Variants in FAM83H observed in about 807,000 individuals in gnomAD.
The protein encoded by FAM83H is scaffolding CK1 anchoring protein H.
FAM83H carries 24 observed loss-of-function variants against 30.2 expected under a neutral mutation model. That is an observed-to-expected ratio of 0.79 (90% CI 0.57 to 1.12). The LOEUF (loss-of-function observed/expected upper bound fraction) is 1.12. Ranked by LOEUF, FAM83H falls within the 50% of genes most tolerant of loss-of-function variation. FAM83H has a pLI of 0.00. For missense variants in FAM83H, 2,038 were observed against 1,773.9 expected (o/e 1.15, Z -2.67); for synonymous variants, 1,013 against 821.7 (o/e 1.23, Z -3.98).
In FAM83H at chr8:143,726,170, G is replaced by A. The variant is rs782788417; in HGVS notation, c.3291C>T (p.Asp1097=). 1.2e-6 allele frequency: 2 copies of A among 1,612,170 alleles called. No homozygotes were observed. Among genetic ancestry groups the A allele is most frequent in the South Asian group, 1.1e-5 (1 of 91,016 alleles). The change falls in exon 5 of 5, where the codon GAC becomes GAT. Residue 1097 remains aspartate (D), a synonymous_variant. Coordinates refer to ENST00000388913, the MANE Select transcript of FAM83H (RefSeq NM_198488.5). ...TCAGCCGGCCCTGGGTCCCCAAGCTGTCCGAGCGGAAGATGGCTGAACACT... is the reference window on the plus strand; with the variant it reads ...TCAGCCGGCCCTGGGTCCCCAAGCTATCCGAGCGGAAGATGGCTGAACACT... ...KDKCSAIFRS[D]SLGTQGRLSR...
chr8:143,726,679 G>C lies in FAM83H; in HGVS notation c.2782C>G (p.Pro928Ala). 6.3e-7 allele frequency: 1 copy of C among 1,597,336 alleles called. No individual in the cohort carries two copies. The highest frequency in any genetic ancestry group is 8.5e-7 in the Non-Finnish European group (1 of 1,176,188). The change falls in exon 5 of 5, where the codon CCC becomes GCC. Residue 928 changes from proline (P) to alanine (A), a missense_variant. Pro to Ala is a conservative substitution (Grantham distance 27). Transcript: ENST00000388913. ...CTGCCCCTGCGCTCCGGCACGGGGG[G>C]CACCGGACTGCTCCTGCGCTCCGGC... ...PVPERRSSPV[P>A]PVPERRGSLT...
chr8:143,732,205 A>G (rs1335615518), intron 1 of FAM83H: 1 of 985,258 alleles, frequency 1.0e-6, no homozygotes, highest in African/African-American at 1.7e-5. Flanking sequence ...GACATGGGAA[A>G]TACCTGGTGC....
At position 143,726,481 on chromosome 8, in the gene FAM83H, C is replaced by G. The variant is rs782748080; in HGVS notation, c.2980G>C (p.Gly994Arg). 195 of 1,604,284 alleles carry G rather than the reference C, an allele frequency of 1.2e-4. No homozygotes were observed. Among genetic ancestry groups the G allele is most frequent in the Non-Finnish European group, 1.6e-4 (189 of 1,178,892 alleles). ...EGGFPVPQEN[G>R]QPESPRRLSL... Reference sequence around the variant, plus strand: ...AGACGCCGCGGGCTCTCGGGTTGGCCGTTCTCCTGCGGCACTGGGAAGCCA... The same window carrying G: ...AGACGCCGCGGGCTCTCGGGTTGGCGGTTCTCCTGCGGCACTGGGAAGCCA... The change falls in exon 5 of 5, where the codon GGC becomes CGC. Residue 994 changes from glycine to arginine, a missense_variant. Transcript: ENST00000388913.
chr8:143,725,761 C>T lies in FAM83H; in HGVS notation c.*160G>A. On this transcript the variant is annotated 3_prime_UTR_variant, in exon 5 of 5. Coordinates refer to ENST00000388913, the MANE Select transcript of FAM83H (RefSeq NM_198488.5). ...GAGACGGCAGCTGCCAGGTGAGCCTCCAGTGGAGCCGAGGTCTGGCGCACT... is the reference window on the plus strand; with the variant it reads ...GAGACGGCAGCTGCCAGGTGAGCCTTCAGTGGAGCCGAGGTCTGGCGCACT... 7.7e-7 allele frequency: 1 copy of T among 1,292,912 alleles called. No individual in the cohort carries two copies. Among genetic ancestry groups the T allele is most frequent in the Non-Finnish European group, 1.1e-6 (1 of 949,158 alleles). The allele number at this position is 1,292,912 out of a possible 1,614,324, so 80.1% of individuals were successfully genotyped here. A position where few individuals can be genotyped will look rare whatever the true frequency, so the allele number is the denominator to read the frequency against.
rs2129713644 is a variant in FAM83H at position 143,733,210 on chromosome 8, A to T, written c.-16+481T>A. On this transcript the variant is annotated intron_variant, in intron 1 of 4. Transcript: ENST00000388913. This position sits in a 1 kb window ranked among gnomAD's most constrained non-coding sequence, Gnocchi z 5.6. The stretch of plus-strand genomic sequence containing the variant: ...CGGCCGCTGGGTGCCCTATCCGCCC[A>T]CCCCAGCCCAGGAACGTGGGCGCGA... The T allele has an allele frequency of 6.6e-6, 1 of 152,416 alleles. No individual in the cohort carries two copies. The highest frequency in any genetic ancestry group is 2.1e-4 in the South Asian group (1 of 4,828). 9.4% of individuals were successfully genotyped at this position (152,416 alleles called of 1,614,324 possible).
chr8:143,728,506 G>C lies in FAM83H; in HGVS notation c.955C>G (p.Pro319Ala), dbSNP rs782555004. 2 of 1,557,236 alleles carry C rather than the reference G, an allele frequency of 1.3e-6. No individual in the cohort carries two copies. Among genetic ancestry groups the C allele is most frequent in the South Asian group, 1.2e-5 (1 of 85,070 alleles). ...VGVPGVGAPT[P>A]FSFPKRAHLL... is the part of the protein sequence containing the mutation. ...TGCGCTCGTTTAGGGAAGGAGAAGGGGGTTGGCGCCCCGACCCCAGGGACG... is the reference window on the plus strand; with the variant it reads ...TGCGCTCGTTTAGGGAAGGAGAAGGCGGTTGGCGCCCCGACCCCAGGGACG... Residue 319 changes from proline (P) to alanine (A), a missense_variant, in exon 5 of 5, where the codon CCC becomes GCC. Physicochemically the swap from Pro to Ala is conservative, Grantham distance 27 (BLOSUM62 -1). Coordinates refer to ENST00000388913, the MANE Select transcript of FAM83H (RefSeq NM_198488.5).
intron 4 of FAM83H, 26 bp downstream of exon 4, chr8:143,728,939 AGG>A (rs1312204087): frequency 6.2e-7 from 1 of 1,612,920 alleles, no homozygotes; most frequent in African/African-American, 1.3e-5. Flanking sequence ...GCCCCAGAGA[AGG>A]GGGTGAGGGA....
At position 143,728,446 on chromosome 8, in the gene FAM83H, C is replaced by G; in HGVS notation, c.1015G>C (p.Gly339Arg). The change falls in exon 5 of 5, where the codon GGC (glycine) becomes CGC (arginine). Residue 339 changes from glycine (G) to arginine (R), a missense_variant. Gly to Arg is a moderately radical substitution (Grantham distance 125). Coordinates refer to ENST00000388913, the MANE Select transcript of FAM83H (RefSeq NM_198488.5). ...TCCGGGTCGAGGAAGGAGGGGAAGC[C>G]CAGGCCCTCTTCCCGGGGTGGCGGG... ...LFPPPREEGLGFPSFLDPDRH... is the reference protein window; with the variant it reads ...LFPPPREEGLRFPSFLDPDRH... 6.4e-7 allele frequency: 1 copy of G among 1,551,018 alleles called. No individual in the cohort carries two copies. Among genetic ancestry groups the G allele is most frequent in the Non-Finnish European group, 8.7e-7 (1 of 1,147,042 alleles).
chr8:143,726,032 CTCTT>C lies in FAM83H; in HGVS notation c.3425_3428del (p.Lys1142ArgfsTer220), dbSNP rs782690659. The C allele has an allele frequency of 1.2e-6, 2 of 1,612,780 alleles. No individual in the cohort carries two copies. The highest frequency in any genetic ancestry group is 8.5e-7 in the Non-Finnish European group (1 of 1,179,862). ...CCCCTGCCCCAGGGCTGCTGGCCTC[CTCTT>C]TCTTGCAGAAGACCTCGAAGCGGCT... On this transcript the variant is annotated frameshift_variant, in exon 5 of 5. Transcript: ENST00000388913. LOFTEE classifies it high-confidence loss of function.
Position 143,728,650 on chromosome 8 carries a change from C to G in FAM83H, c.811G>C (p.Asp271His). 1.2e-6 allele frequency: 2 copies of G among 1,606,528 alleles called. No individual in the cohort carries two copies. Among genetic ancestry groups the G allele is most frequent in the East Asian group, 4.5e-5 (2 of 44,876 alleles). ...GCGAAGAGGATGCGGAACTCCTCGT[C>G]GAAGCTGGAGACCAGCTCTCCTTGG... ...VFQGELVSSFDEEFRILFAQS... is the reference protein window; with the variant it reads ...VFQGELVSSFHEEFRILFAQS... The change falls in exon 5 of 5, where the codon GAC becomes CAC. Residue 271 changes from aspartate (D) to histidine (H), a missense_variant. Transcript: ENST00000388913.
rs576698235 is a variant in FAM83H, at chr8:143,726,835, G to A, written c.2626C>T (p.Pro876Ser). 10 of 1,612,978 alleles carry A rather than the reference G, an allele frequency of 6.2e-6. No homozygotes were observed. The highest frequency in any genetic ancestry group is 3.3e-5 in the South Asian group (3 of 91,078). ...ESKGSPTSAY[P>S]ERKGSPTPGF... is the part of the protein sequence containing the mutation. The stretch of plus-strand genomic sequence containing the variant: ...GGCGTGGGGCTCCCCTTCCGCTCAG[G>A]GTAAGCCGAGGTGGGGCTCCCTTTT... The change falls in exon 5 of 5, where the codon CCT becomes TCT. Residue 876 changes from proline (P) to serine (S), a missense_variant. Physicochemically the swap from Pro to Ser is moderately conservative, Grantham distance 74 (BLOSUM62 -1). Transcript: ENST00000388913.
Position 143,726,618 on chromosome 8 carries a change from G to A in FAM83H, c.2843C>T (p.Ala948Val). Residue 948 changes from alanine to valine, a missense_variant, in exon 5 of 5, where the codon GCC (alanine) becomes GTC (valine). Ala to Val is a moderately conservative substitution (Grantham distance 64, BLOSUM62 0). Coordinates refer to ENST00000388913, the MANE Select transcript of FAM83H (RefSeq NM_198488.5). The stretch of plus-strand genomic sequence containing the variant: ...GCTCGGCCCCTCCTCCGCGGGCCCG[G>A]CCTTCGGGGACTCCCCGGAGATGGT... ...TLTISGESPKAGPAEEGPSGP... is the reference protein window; with the variant it reads ...TLTISGESPKVGPAEEGPSGP... 6.3e-7 allele frequency: 1 copy of A among 1,599,468 alleles called. No homozygotes were observed. Among genetic ancestry groups the A allele is most frequent in the Non-Finnish European group, 8.5e-7 (1 of 1,178,414 alleles).
At position 143,728,979 on chromosome 8, in the gene FAM83H, C is replaced by T; in HGVS notation, c.725G>A (p.Ser242Asn). ...FLLVDCAVVM[S>N]GSYSFMWSFE... is the part of the protein sequence containing the mutation. ...CCCGCGGGCGCACCTGTAGCTCCCA[C>T]TCATCACCACGGCACAGTCCACCAG... The change falls in exon 4 of 5, where the codon AGT becomes AAT. Residue 242 changes from serine (S) to asparagine (N), a missense_variant. Ser to Asn is a conservative substitution (Grantham distance 46, BLOSUM62 1). Coordinates refer to ENST00000388913, the MANE Select transcript of FAM83H (RefSeq NM_198488.5). The T allele has an allele frequency of 2.5e-6, 4 of 1,613,728 alleles. No homozygotes were observed. The highest frequency in any genetic ancestry group is 3.4e-6 in the Non-Finnish European group (4 of 1,180,006).
At chr8:143,732,417 C>A (rs1818556601) in intron 1 of FAM83H, 3 of 985,258 alleles carry the variant, frequency 3.0e-6, no homozygotes, top group Non-Finnish European at 3.6e-6. Context: ...CCATTGCCAG[C>A]CTGTCTGTAG....
rs782324671 is a variant in FAM83H at position 143,728,539 on chromosome 8, G to A, written c.922C>T (p.Leu308Phe). 2 of 1,570,588 alleles carry A rather than the reference G, an allele frequency of 1.3e-6. No individual in the cohort carries two copies. Among genetic ancestry groups the A allele is most frequent in the South Asian group, 1.2e-5 (1 of 86,692 alleles). Residue 308 changes from leucine to phenylalanine, a missense_variant, in exon 5 of 5, where the codon CTC becomes TTC. Physicochemically the swap from Leu to Phe is conservative, Grantham distance 22. Coordinates refer to ENST00000388913, the MANE Select transcript of FAM83H (RefSeq NM_198488.5). Reference sequence around the variant, plus strand: ...GCCCCGACCCCAGGGACGCCCACGAGAGGCCCGGCCCCGGCATACGGAGCC... The same window carrying A: ...GCCCCGACCCCAGGGACGCCCACGAAAGGCCCGGCCCCGGCATACGGAGCC... ...ALAPYAGAGP[L>F]VGVPGVGAPT...
rs782626052 is a variant in FAM83H at position 143,725,806 on chromosome 8, C to A, written c.*115G>T. On this transcript the variant is annotated 3_prime_UTR_variant, in exon 5 of 5. Transcript: ENST00000388913. ...CGCACTCAGCCAAGCCCCAAGCGGC[C>A]GTGGCCTGACAGCCGCTGCTCAAGC... 5 of 1,528,814 alleles carry A rather than the reference C, an allele frequency of 3.3e-6. No individual in the cohort carries two copies. Among genetic ancestry groups the A allele is most frequent in the Non-Finnish European group, 3.5e-6 (4 of 1,132,716 alleles). 94.7% of individuals were successfully genotyped at this position (1,528,814 alleles called of 1,614,324 possible). A position where few individuals can be genotyped will look rare whatever the true frequency, so the allele number is the denominator to read the frequency against.
Position 143,730,399 on chromosome 8 carries a change from C to G in FAM83H, c.184G>C (p.Glu62Gln), listed in dbSNP as rs1554624141. Residue 62 changes from glutamate (E) to glutamine (Q), a missense_variant, in exon 2 of 5, where the codon GAA (glutamate) becomes CAA (glutamine). Coordinates refer to ENST00000388913, the MANE Select transcript of FAM83H (RefSeq NM_198488.5). ...GGCCGAAGGTGTCGGCTCACATGTT[C>G]CAGCTCTTCAGGGCACAGGAAGTCT... is the stretch of plus-strand genomic sequence containing the variant. ...APDFLCPEELEHVSRHLRPPQ... is the reference protein window; with the variant it reads ...APDFLCPEELQHVSRHLRPPQ... 1 of 1,613,382 alleles carries G rather than the reference C, an allele frequency of 6.2e-7. No homozygotes were observed. Among genetic ancestry groups the G allele is most frequent in the Non-Finnish European group, 8.5e-7 (1 of 1,180,032 alleles).
Position 143,725,775 on chromosome 8 carries a change from G to T in FAM83H, c.*146C>A. 7.1e-7 allele frequency: 1 copy of T among 1,402,914 alleles called. No individual in the cohort carries two copies. The highest frequency in any genetic ancestry group is 9.6e-7 in the Non-Finnish European group (1 of 1,037,274). The allele number at this position is 1,402,914 out of a possible 1,614,324, so 86.9% of individuals were successfully genotyped here. On this transcript the variant is annotated 3_prime_UTR_variant, in exon 5 of 5. Coordinates refer to ENST00000388913, the MANE Select transcript of FAM83H (RefSeq NM_198488.5). ...CAGGTGAGCCTCCAGTGGAGCCGAG[G>T]TCTGGCGCACTCAGCCAAGCCCCAA...
rs567315972 is a variant in FAM83H at position 143,730,044 on chromosome 8, C to T, written c.447+92G>A. 3.6e-5 allele frequency: 43 copies of T among 1,194,738 alleles called. 1 individual carries two copies. Among genetic ancestry groups the T allele is most frequent in the South Asian group, 2.9e-4 (18 of 62,208 alleles). The allele number at this position is 1,194,738 out of a possible 1,614,324, so 74.0% of individuals were successfully genotyped here. The stretch of plus-strand genomic sequence containing the variant: ...CACTCCAGCTGGAGCTCAGGCTCAC[C>T]CCTCAAGCTGATCATGCTCATGCAT... On this transcript the variant is annotated intron_variant, in intron 2 of 4. Coordinates refer to ENST00000388913, the MANE Select transcript of FAM83H (RefSeq NM_198488.5).
Sources: gnomAD v4.1 joint callset for allele counts on GRCh38, gnomAD v4.1.1 for gene constraint, Gnocchi (gnomAD v3.1) non-coding constraint, MANE v1.5 for transcripts, NCBI Gene and HGNC (gene_info 2026-07-23, HGNC 2026-07-21) for gene names.